PCDHA2: variants seen among roughly 807,000 people sequenced by gnomAD.
The protein encoded by PCDHA2 is protocadherin alpha-2.
Under a neutral mutation model 66.0 loss-of-function variants are expected in PCDHA2, and 58 were observed. The ratio of observed to expected loss-of-function variants is 0.88; its 90% CI spans 0.71 to 1.09. The LOEUF (loss-of-function observed/expected upper bound fraction) is 1.09. Among genes scored for constraint, PCDHA2 ranks in the 50% least tolerant of loss-of-function variants. PCDHA2 has a pLI of 0.00. For missense variants in PCDHA2, 1,267 were observed against 1,242.3 expected (o/e 1.02, Z -0.30); for synonymous variants, 634 against 554.0 (o/e 1.14, Z -2.03).
chr5:140,937,933 A>C (rs1452935525), intron 1 of PCDHA2, among the ~76,000 whole-genome samples: 1 of 151,854 alleles, frequency 6.6e-6, no homozygotes, highest in Non-Finnish European at 1.5e-5. Flanking sequence ...AAAAAGTTTA[A>C]TTTGATAATT....
chr5:140,877,569 C>T (rs782129855), intron 1 of PCDHA2: 1 of 1,613,806 alleles, frequency 6.2e-7, no homozygotes, highest in Admixed American at 1.7e-5. Flanking sequence ...TTAACGTGTA[C>T]CTCATCATCG....
At chr5:140,836,224 T>A in intron 1 of PCDHA2, 1 of 1,613,758 alleles carries the variant, frequency 6.2e-7, no homozygotes, top group Non-Finnish European at 8.5e-7. Flanking sequence ...TTGCAACCGG[T>A]GGCGGCCGGT....
intron 1 of PCDHA2, among the ~76,000 whole-genome samples, chr5:140,954,933 CTT>C (rs2095111807): frequency 6.6e-6 from 1 of 152,044 alleles, no homozygotes; most frequent in East Asian, 1.9e-4. Flanking sequence ...TTTAATTAAT[CTT>C]GAGTTAATTT....
intron 1 of PCDHA2, among the ~76,000 whole-genome samples, chr5:140,975,516 G>A (rs1310855349): frequency 6.6e-6 from 1 of 152,284 alleles, no homozygotes; most frequent in South Asian, 2.1e-4. Flanking sequence ...TGCAAAATCT[G>A]CAGTGGATAT....
intron 1 of PCDHA2, among the ~76,000 whole-genome samples, chr5:140,896,094 AGC>A (rs2065382019): frequency 6.6e-6 from 1 of 152,148 alleles, no homozygotes; most frequent in Non-Finnish European, 1.5e-5. Context: ...TACAGGCGTG[AGC>A]CACTGTGCCT....
chr5:140,799,520 CT>C (rs142787451), intron 1 of PCDHA2, among the ~76,000 whole-genome samples: 1,736 of 152,048 alleles, frequency 0.011, 36 homozygotes, highest in African/African-American at 0.04. Flanking sequence ...TAAATGTTTA[CT>C]TACTTCTTCA....
intron 1 of PCDHA2, chr5:140,930,027 T>A (rs1554207548): frequency 6.6e-6 from 1 of 152,190 alleles, no homozygotes; most frequent in Non-Finnish European, 1.5e-5. Context: ...CATAGCAGTG[T>A]TTTGTAACTG....
chr5:140,918,991 G>A (rs1453656237), intron 1 of PCDHA2, among the ~76,000 whole-genome samples: 2 of 152,184 alleles, frequency 1.3e-5, no homozygotes, highest in African/African-American at 4.8e-5. Flanking sequence ...GGTTTTTAGT[G>A]TTGTTCACAT....
chr5:140,810,172 G>C (rs1470472380), intron 1 of PCDHA2: 1 of 152,198 alleles, frequency 6.6e-6, no homozygotes, highest in Non-Finnish European at 1.5e-5. Flanking sequence ...GTTATATGTA[G>C]TTGTAGTTTA....
intron 1 of PCDHA2, chr5:140,863,734 C>A: frequency 3.9e-6 from 1 of 256,490 alleles, no homozygotes; most frequent in Non-Finnish European, 7.7e-6. Flanking sequence ...GTAGCTCATG[C>A]CTATTTGTAA....
intron 3 of PCDHA2, among the ~76,000 whole-genome samples, chr5:141,006,304 C>T (rs528368169): frequency 7.9e-5 from 12 of 152,036 alleles, no homozygotes; most frequent in African/African-American, 2.7e-4. Context: ...CTCCACTTCC[C>T]GGGTTCATGC....
At chr5:140,867,727 A>G (rs1554161460) in intron 1 of PCDHA2, 1 of 152,094 alleles carries the variant, frequency 6.6e-6, no homozygotes. Context: ...GAAAAGACAA[A>G]GAAAATTCAA....
chr5:140,836,596 C>G, intron 1 of PCDHA2: 1 of 1,613,764 alleles, frequency 6.2e-7, no homozygotes, highest in South Asian at 1.1e-5. Context: ...GTAAAGCCCA[C>G]TCTGGTGTGC....
In PCDHA2 at chr5:140,795,202, C is replaced by G. The variant is rs781923854; in HGVS notation, c.238C>G (p.Gln80Glu). The G allele has an allele frequency of 3.1e-6, 5 of 1,614,188 alleles. No individual in the cohort carries two copies. Among genetic ancestry groups the G allele is most frequent in the Non-Finnish European group, 4.2e-6 (5 of 1,180,036 alleles). ...RHGDLLEVNL[Q>E]NGILFVNSRI... is the part of the protein sequence containing the mutation. ...CGGGGACCTTCTGGAGGTAAATCTG[C>G]AGAATGGCATTTTGTTTGTGAATTC... The change falls in exon 1 of 4, where the codon CAG becomes GAG. Residue 80 changes from glutamine (Q) to glutamate (E), a missense_variant. By Grantham distance (29) the Gln-to-Glu change is conservative (BLOSUM62 2). Coordinates refer to ENST00000526136, the MANE Select transcript of PCDHA2 (RefSeq NM_018905.3).
intron 1 of PCDHA2, chr5:140,843,324 C>A: frequency 6.3e-7 from 1 of 1,596,010 alleles, no homozygotes; most frequent in Middle Eastern, 1.7e-4. Flanking sequence ...GTTCTGGTGT[C>A]GCTGGTGGAG....
intron 1 of PCDHA2, chr5:140,856,768 C>T: frequency 6.3e-7 from 1 of 1,596,818 alleles, no homozygotes; most frequent in African/African-American, 1.3e-5. Context: ...ACGCCCCTAT[C>T]TTTGACAGAC....
chr5:140,948,902 T>C (rs943078074), intron 1 of PCDHA2, among the ~76,000 whole-genome samples: 1 of 151,528 alleles, frequency 6.6e-6, no homozygotes, highest in Non-Finnish European at 1.5e-5. Flanking sequence ...TTAAGTGGAT[T>C]CTTAGGTAAC....
At chr5:140,829,509 A>G in intron 1 of PCDHA2, 1 of 1,613,556 alleles carries the variant, frequency 6.2e-7, no homozygotes, top group Non-Finnish European at 8.5e-7. Flanking sequence ...CCGGGCTGCC[A>G]CATCTTCACG....
intron 1 of PCDHA2, chr5:140,823,879 G>T: frequency 6.2e-7 from 1 of 1,613,898 alleles, no homozygotes; most frequent in Non-Finnish European, 8.5e-7. Context: ...CCTGATCATC[G>T]CCATCTGTGC....
Sources: gnomAD v4.1 joint callset for allele counts (sites outside exome capture counted in the v4.1 genomes callset) on GRCh38, gnomAD v4.1.1 for gene constraint, MANE v1.5 for transcripts, NCBI Gene and HGNC (gene_info 2026-07-23, HGNC 2026-07-21) for gene names.